VPS13B: variants seen among roughly 807,000 people sequenced by gnomAD.
VPS13B encodes the protein intermembrane lipid transfer protein VPS13B.
VPS13B carries 285 observed loss-of-function variants against 426.4 expected under a neutral mutation model. The ratio of observed to expected loss-of-function variants is 0.67; its 90% CI spans 0.61 to 0.74. The LOEUF (loss-of-function observed/expected upper bound fraction) is 0.74. Among genes scored for constraint, VPS13B ranks in the 30% least tolerant of loss-of-function variants. VPS13B has a pLI of 0.00. For missense variants in VPS13B, 4,537 were observed against 4,782.6 expected (o/e 0.95, Z 1.51); for synonymous variants, 1,676 against 1,676.4 (o/e 1.00, Z 0.01).
chr8:99,354,398 A>G (rs1158509957), intron 19 of VPS13B, among the ~76,000 whole-genome samples: 1 of 148,488 alleles, frequency 6.7e-6, no homozygotes, highest in African/African-American at 2.5e-5. Flanking sequence ...TTGCTGTTTC[A>G]TCAGATTCCT....
intron 33 of VPS13B, among the ~76,000 whole-genome samples, chr8:99,626,460 G>T (rs1030084000): frequency 2.0e-5 from 3 of 152,182 alleles, no homozygotes; most frequent in Admixed American, 1.3e-4. Flanking sequence ...GGAGTAGTAG[G>T]GGAAGTGCCT....
At position 99,859,437 on chromosome 8, in the gene VPS13B, C is replaced by T. The variant is rs367797468; in HGVS notation, c.11001C>T (p.Gly3667=). 24 of 1,613,854 alleles carry T rather than the reference C, an allele frequency of 1.5e-5. No homozygotes were observed. The highest frequency in any genetic ancestry group is 8.0e-5 in the African/African-American group (6 of 74,842). ...GGGGCCCTGGAGCCTTCGTGAGTGG[C>T]GTCTCCAGAGGGACCACATCGTTTG... is the stretch of plus-strand genomic sequence containing the variant. The part of the protein sequence containing the change: ...LTRGPGAFVS[G]VSRGTTSFVK... The change falls in exon 57 of 62, where the codon GGC becomes GGT. Residue 3667 remains glycine (G), a synonymous_variant. Coordinates refer to ENST00000357162, the MANE Select transcript of VPS13B (RefSeq NM_152564.5).
At position 99,642,293 on chromosome 8, in the gene VPS13B, G is replaced by A; in HGVS notation, c.5703G>A (p.Arg1901=). ...LSLESLHAST[R]SSARQALGIT... is the part of the protein sequence containing the mutation. ...TTGAAAGTCTTCATGCATCCACAAG[G>A]TCATCTGCTAGACAAGCACTTGGTA... The change falls in exon 34 of 62, where the codon AGG becomes AGA. Residue 1901 remains arginine (R), a synonymous_variant. Coordinates refer to ENST00000357162, the MANE Select transcript of VPS13B (RefSeq NM_152564.5). The A allele has an allele frequency of 6.2e-7, 1 of 1,614,114 alleles. No homozygotes were observed. The highest frequency in any genetic ancestry group is 8.5e-7 in the Non-Finnish European group (1 of 1,180,002).
At chr8:99,319,359 A>C (rs2133123332) in intron 19 of VPS13B, among the ~76,000 whole-genome samples, 1 of 152,334 alleles carries the variant, frequency 6.6e-6, no homozygotes, top group South Asian at 2.1e-4. Context: ...TATTGCTGAG[A>C]GATAGATTTC....
At chr8:99,271,157 CTGCTGCTGCTTTTAT>C (rs1452947360) in intron 17 of VPS13B, among the ~76,000 whole-genome samples, 7 of 151,824 alleles carry the variant, frequency 4.6e-5, no homozygotes, top group Non-Finnish European at 1.5e-5. Context: ...ATTGATACTA[CTGCTGCTGCTTTTAT>C]TGCTGCTGCT....
At chr8:99,175,870 C>T (rs1812600233) in intron 16 of VPS13B, among the ~76,000 whole-genome samples, 1 of 152,166 alleles carries the variant, frequency 6.6e-6, no homozygotes, top group South Asian at 2.1e-4. Context: ...CATAAAGATG[C>T]AGTATTAAAT....
At chr8:99,130,388 C>CTTT (rs539820640) in intron 8 of VPS13B, among the ~76,000 whole-genome samples, 1 of 135,130 alleles carries the variant, frequency 7.4e-6, no homozygotes, top group Admixed American at 7.5e-5. Flanking sequence ...TGTTCGGGTC[C>CTTT]TTTTTTTTTT....
rs1432041500 is a variant in VPS13B, at chr8:99,087,738, A to C, written c.292-8574A>C. Among the ~76,000 whole-genome samples the C allele has an allele frequency of 2.0e-5, 3 of 151,914 alleles. No individual in the cohort carries two copies. In the East Asian group the frequency reaches 5.8e-4, roughly 29 times the overall value. On this transcript the variant is annotated intron_variant, in intron 3 of 61. Transcript: ENST00000357162. ...GCTGGGATTATAGGAATATGCTACA[A>C]AGCCCTGTTTCAAGTATAACTTGTA... is the stretch of plus-strand genomic sequence containing the variant.
intron 25 of VPS13B, among the ~76,000 whole-genome samples, chr8:99,494,689 G>T (rs1820795545): frequency 6.6e-6 from 1 of 151,610 alleles, no homozygotes; most frequent in South Asian, 2.1e-4. Flanking sequence ...ATTTCATTTT[G>T]TCTCCTAATT....
chr8:99,515,361 AG>A (rs1822000301), intron 29 of VPS13B, among the ~76,000 whole-genome samples: 3 of 150,052 alleles, frequency 2.0e-5, no homozygotes, highest in African/African-American at 7.4e-5. Context: ...TTATTTTTAA[AG>A]CTGCTGCTGC....
chr8:99,234,555 G>A (rs1816535976), intron 17 of VPS13B: 3 of 440,664 alleles, frequency 6.8e-6, no homozygotes, highest in Non-Finnish European at 1.3e-5. Context: ...GGGGTTCGGG[G>A]GCCGCGTGGC....
chr8:99,259,259 T>C (rs1428132699), intron 17 of VPS13B, among the ~76,000 whole-genome samples: 1 of 152,166 alleles, frequency 6.6e-6, no homozygotes, highest in Non-Finnish European at 1.5e-5. Context: ...CTTCCTCTTC[T>C]ATCATGGATG....
rs752864424 is a variant in VPS13B at position 99,642,102 on chromosome 8, G to A, written c.5512G>A (p.Glu1838Lys). 2 of 1,614,022 alleles carry A rather than the reference G, an allele frequency of 1.2e-6. No individual in the cohort carries two copies. The highest frequency in any genetic ancestry group is 4.5e-5 in the East Asian group (2 of 44,878). The change falls in exon 34 of 62, where the codon GAA becomes AAA. Residue 1838 changes from glutamate to lysine, a missense_variant. By Grantham distance (56) the Glu-to-Lys change is moderately conservative. Coordinates refer to ENST00000357162, the MANE Select transcript of VPS13B (RefSeq NM_152564.5). ...CMALSKSKSQEQKNNEKTDKS... is the reference protein window; with the variant it reads ...CMALSKSKSQKQKNNEKTDKS... ...GGCCTTATCCAAATCGAAATCACAA[G>A]AACAGAAGAATAATGAAAAAACAGA...
intron 12 of VPS13B, among the ~76,000 whole-genome samples, chr8:99,141,015 T>C (rs1810392182): frequency 6.6e-6 from 1 of 152,180 alleles, no homozygotes; most frequent in South Asian, 2.1e-4. Context: ...GACCCTAAAG[T>C]AGATAGCTGA....
intron 33 of VPS13B, among the ~76,000 whole-genome samples, chr8:99,602,635 C>A (rs1339177099): frequency 6.6e-6 from 1 of 152,178 alleles, no homozygotes; most frequent in Non-Finnish European, 1.5e-5. Context: ...TAGAAAACCC[C>A]ATTGTCTCAG....
At chr8:99,050,397 G>A (rs915853311) in intron 3 of VPS13B, among the ~76,000 whole-genome samples, 14 of 152,080 alleles carry the variant, frequency 9.2e-5, no homozygotes, top group African/African-American at 3.1e-4. Flanking sequence ...GTATTCAATC[G>A]TGTATATGTG....
chr8:99,074,961 T>G (rs1223509804), intron 3 of VPS13B, among the ~76,000 whole-genome samples: 1 of 152,126 alleles, frequency 6.6e-6, no homozygotes, highest in Non-Finnish European at 1.5e-5. Flanking sequence ...TGTTGTTGTG[T>G]CCTTGTCTGT....
chr8:99,275,144 A>G lies in VPS13B; in HGVS notation c.2714A>G (p.His905Arg), dbSNP rs376255480. 3.7e-6 allele frequency: 6 copies of G among 1,612,794 alleles called. No individual in the cohort carries two copies. In the African/African-American group the frequency reaches 4.0e-5, roughly 11 times the overall value. The change falls in exon 19 of 62, where the codon CAT becomes CGT. Residue 905 changes from histidine (H) to arginine (R), a missense_variant. Around this residue, in one of 2 missense-constraint regions of VPS13B, gnomAD observed 4,311 missense variants for 4,474.3 expected, o/e 0.96. Coordinates refer to ENST00000357162, the MANE Select transcript of VPS13B (RefSeq NM_152564.5). Reference protein sequence around the residue: ...LQGPSDTKDLHSTKWLNESRK... With the variant: ...LQGPSDTKDLRSTKWLNESRK... ...GGTCCTTCTGACACTAAAGACCTTC[A>G]TAGCACCAAGTGGCTCAATGAGAGT...
At chr8:99,713,316 T>G (rs1224301921) in intron 36 of VPS13B, among the ~76,000 whole-genome samples, 1 of 152,206 alleles carries the variant, frequency 6.6e-6, no homozygotes, top group East Asian at 1.9e-4. Flanking sequence ...TTATGGCTTT[T>G]TTTTAGTAGA....
Sources: gnomAD v4.1 joint callset for allele counts (sites outside exome capture counted in the v4.1 genomes callset) on GRCh38, gnomAD v4.1.1 for gene constraint, gnomAD v4.1.1 regional missense constraint, MANE v1.5 for transcripts, NCBI Gene and HGNC (gene_info 2026-07-23, HGNC 2026-07-21) for gene names.